Variants in APBB1IP observed in about 807,000 individuals in gnomAD.
APBB1IP encodes amyloid beta precursor protein binding family B member 1 interacting protein.
Under a neutral mutation model 64.9 loss-of-function variants are expected in APBB1IP, and 27 were observed. The ratio of observed to expected loss-of-function variants is 0.42; its 90% CI spans 0.31 to 0.57. The LOEUF (loss-of-function observed/expected upper bound fraction) is 0.57, where lower values mean the gene tolerates loss of function less well. Ranked by LOEUF, APBB1IP falls within the 20% of genes least tolerant of loss-of-function variation. The pLI, the probability that APBB1IP is intolerant of heterozygous loss-of-function variation, is 0.20. For synonymous variants in APBB1IP, 392 were observed against 331.0 expected, an observed-to-expected ratio of 1.18 and a Z score of -2.00; for missense variants, 812 against 845.5, an observed-to-expected ratio of 0.96 and a Z score of 0.49.
intron 6 of APBB1IP, among the ~76,000 whole-genome samples, chr10:26,505,963 C>G (rs1836170710): frequency 6.6e-6 from 1 of 152,082 alleles, no homozygotes; most frequent in African/African-American, 2.4e-5. Flanking sequence ...CCTCCCTGGC[C>G]TCATCTCCCA....
chr10:26,565,476 C>G (rs556612091), intron 14 of APBB1IP, among the ~76,000 whole-genome samples: 4 of 152,150 alleles, frequency 2.6e-5, no homozygotes, highest in Non-Finnish European at 4.4e-5. Context: ...ACGAAAGCCC[C>G]TTTAGAGACA....
chr10:26,447,338 G>A (rs1264183472), intron 2 of APBB1IP, among the ~76,000 whole-genome samples: 2 of 131,206 alleles, frequency 1.5e-5, no homozygotes, highest in African/African-American at 6.0e-5. Context: ...TCGCGCCACT[G>A]CACTCCAGCC....
intron 8 of APBB1IP, among the ~76,000 whole-genome samples, chr10:26,530,653 G>A (rs1163632370): frequency 6.6e-6 from 1 of 151,168 alleles, no homozygotes; most frequent in African/African-American, 2.4e-5. Context: ...TCGCGCTACT[G>A]CACTCCACCC....
chr10:26,468,522 A>G (rs703008), intron 2 of APBB1IP, among the ~76,000 whole-genome samples: 1,914 of 152,284 alleles, frequency 0.013, 40 homozygotes, highest in African/African-American at 0.041. Flanking sequence ...AAAATGAACA[A>G]GTGATTGTTA....
chr10:26,439,897 A>G (rs1835321496), intron 2 of APBB1IP, among the ~76,000 whole-genome samples: 1 of 152,192 alleles, frequency 6.6e-6, no homozygotes, highest in Non-Finnish European at 1.5e-5. Context: ...ATAAACCTAG[A>G]GCAGCGATTT....
At chr10:26,528,322 C>G (rs1008962212) in intron 8 of APBB1IP, among the ~76,000 whole-genome samples, 3 of 152,188 alleles carry the variant, frequency 2.0e-5, no homozygotes, top group African/African-American at 7.2e-5. Context: ...ACTGGCTGCT[C>G]ACTAGTGCTC....
Position 26,464,448 on chromosome 10 carries a change from T to C in APBB1IP, c.-1+25595T>C, listed in dbSNP as rs140003865. On this transcript the variant is annotated intron_variant, in intron 2 of 14. Transcript: ENST00000376236. ...CAAGGTCCCACTCTGTTACCCAGGC[T>C]GGAGTGCAGTGGCACAATCATGGTC... 1.4e-3 allele frequency among the ~76,000 whole-genome samples: 209 copies of C among 152,312 alleles called. 4 individuals carry two copies. The East Asian group carries it at 0.03, about 22-fold the overall frequency.
chr10:26,466,862 G>A (rs1835654187), intron 2 of APBB1IP, among the ~76,000 whole-genome samples: 1 of 152,106 alleles, frequency 6.6e-6, no homozygotes, highest in Non-Finnish European at 1.5e-5. Context: ...CTTGAGCCCA[G>A]GAGTTTGAAG....
rs776320236 is a variant in APBB1IP at position 26,511,739 on chromosome 10, A to G, written c.532-8A>G. On this transcript the variant is annotated splice_polypyrimidine_tract_variant and splice_region_variant and intron_variant, in intron 6 of 14. Transcript: ENST00000376236. The stretch of plus-strand genomic sequence containing the variant: ...AATTTACTGGCTGCCCCATGGTTCT[A>G]TCCTCAGCTCGTCGTCAAGGTGCAC... 1.2e-6 allele frequency: 2 copies of G among 1,614,108 alleles called. No individual in the cohort carries two copies. Among genetic ancestry groups the G allele is most frequent in the South Asian group, 1.1e-5 (1 of 91,084 alleles).
intron 2 of APBB1IP, among the ~76,000 whole-genome samples, chr10:26,472,314 C>T (rs702999): frequency 0.77 from 117,601 of 152,190 alleles, 46,401 homozygotes; most frequent in African/African-American, 0.93. Flanking sequence ...GGAAAGAGGC[C>T]TGGAGCCATG....
chr10:26,482,285 G>C (rs1223396325), intron 2 of APBB1IP, among the ~76,000 whole-genome samples: 1 of 152,124 alleles, frequency 6.6e-6, no homozygotes, highest in African/African-American at 2.4e-5. Flanking sequence ...CGTAACTTTA[G>C]AGATGCTTCT....
chr10:26,508,201 A>T (rs1449220093), intron 6 of APBB1IP, among the ~76,000 whole-genome samples: 3 of 152,222 alleles, frequency 2.0e-5, no homozygotes. Flanking sequence ...AATCAAATCT[A>T]TCTGTCATAC....
At chr10:26,478,086 C>T (rs702991) in intron 2 of APBB1IP, among the ~76,000 whole-genome samples, 9,152 of 152,120 alleles carry the variant, frequency 0.06, 903 homozygotes, top group African/African-American at 0.21. Context: ...AGTTGATGAG[C>T]GGGAAGAGAG....
chr10:26,442,324 G>A (rs1004552077), intron 2 of APBB1IP, among the ~76,000 whole-genome samples: 3 of 152,140 alleles, frequency 2.0e-5, no homozygotes, highest in Non-Finnish European at 2.9e-5. Context: ...GTTAGCAATC[G>A]TGTGTTTTCA....
At chr10:26,529,207 T>G (rs1836517392) in intron 8 of APBB1IP, among the ~76,000 whole-genome samples, 1 of 152,376 alleles carries the variant, frequency 6.6e-6, no homozygotes, top group African/African-American at 2.4e-5. Context: ...TTGCAGGATA[T>G]AATGACTAAA....
At chr10:26,440,149 C>T (rs1266628592) in intron 2 of APBB1IP, among the ~76,000 whole-genome samples, 2 of 152,038 alleles carry the variant, frequency 1.3e-5, no homozygotes, top group Non-Finnish European at 2.9e-5. Flanking sequence ...TGGGTTTTTT[C>T]TCAGCACTTG....
At chr10:26,474,575 C>T (rs1462227308) in intron 2 of APBB1IP, among the ~76,000 whole-genome samples, 1 of 152,212 alleles carries the variant, frequency 6.6e-6, no homozygotes, top group Non-Finnish European at 1.5e-5. Context: ...TGTACACATA[C>T]TTCAAAACAT....
At chr10:26,473,999 CA>C (rs35712977) in intron 2 of APBB1IP, among the ~76,000 whole-genome samples, 12,704 of 67,628 alleles carry the variant, frequency 0.19, 369 homozygotes, top group Non-Finnish European at 0.22. Context: ...CACCCTGTCT[CA>C]AAAAAAAAAA....
intron 13 of APBB1IP, among the ~76,000 whole-genome samples, chr10:26,561,225 T>G (rs536590985): frequency 6.6e-6 from 1 of 151,116 alleles, no homozygotes; most frequent in Admixed American, 6.6e-5. Context: ...CCCGCCACCA[T>G]GCCTGGCTAA....
Sources: gnomAD v4.1 joint callset for allele counts (sites outside exome capture counted in the v4.1 genomes callset) on GRCh38, gnomAD v4.1.1 for gene constraint, MANE v1.5 for transcripts, NCBI Gene and HGNC (gene_info 2026-07-23, HGNC 2026-07-21) for gene names.